ARSF: variants seen among roughly 807,000 people sequenced by gnomAD.
The protein encoded by ARSF is arylsulfatase F.
Under a neutral mutation model 35.4 loss-of-function variants are expected in ARSF, and 33 were observed. The ratio of observed to expected loss-of-function variants is 0.93; its 90% CI spans 0.71 to 1.25. ARSF has a LOEUF of 1.25. Among genes scored for constraint, ARSF ranks in the 50% most tolerant of loss-of-function variants. ARSF has a pLI of 0.00. For synonymous variants in ARSF, 222 were observed against 193.1 expected, an observed-to-expected ratio of 1.15 and a Z score of -1.24; for missense variants, 501 against 480.2, an observed-to-expected ratio of 1.04 and a Z score of -0.40.
chrX:3,109,473 C>T (rs367794103), intron 9 of ARSF, among the ~76,000 whole-genome samples: 4 of 110,699 alleles, frequency 3.6e-5, no homozygotes, highest in East Asian at 2.8e-4. Flanking sequence ...ATTCAGGGTC[C>T]CATGTGCAGG....
Position 3,072,159 on chromosome X carries a change from G to A in ARSF, c.145G>A (p.Gly49Ser), listed in dbSNP as rs375422262. ...GGGTATTGGAGATCTGGGCTGCTACGGCAATGACACCATGAGGTAAGGCGG... is the reference window on the plus strand; with the variant it reads ...GGGTATTGGAGATCTGGGCTGCTACAGCAATGACACCATGAGGTAAGGCGG... Reference protein sequence around the residue: ...DLGIGDLGCYGNDTMRTPHID... With the variant: ...DLGIGDLGCYSNDTMRTPHID... The change falls in exon 3 of 11, where the codon GGC (glycine) becomes AGC (serine). Residue 49 changes from glycine (G) to serine (S), a missense_variant. Gly to Ser is a moderately conservative substitution (Grantham distance 56). Coordinates refer to ENST00000381127, the MANE Select transcript of ARSF (RefSeq NM_001201539.2). The A allele has an allele frequency of 3.1e-5, 38 of 1,208,693 alleles. No individual in the cohort carries two copies. Among genetic ancestry groups the A allele is most frequent in the East Asian group, 1.5e-4 (5 of 33,745 alleles).
intron 1 of ARSF, among the ~76,000 whole-genome samples, chrX:3,064,273 C>T (rs772131168): frequency 8.9e-6 from 1 of 112,023 alleles, no homozygotes; most frequent in East Asian, 2.8e-4. Context: ...GAAACTGGAT[C>T]CCTTCCTTAC....
chrX:3,062,215 C>T (rs1232551147), intron 1 of ARSF, among the ~76,000 whole-genome samples: 1 of 111,874 alleles, frequency 8.9e-6, no homozygotes, highest in Non-Finnish European at 1.9e-5. Flanking sequence ...GGGTAAATAA[C>T]GAAATGAAGG....
intron 7 of ARSF, among the ~76,000 whole-genome samples, chrX:3,092,100 TGATA>T (rs888043286): frequency 6.4e-5 from 7 of 110,018 alleles, no homozygotes; most frequent in Non-Finnish European, 1.1e-4. Flanking sequence ...GATAGGTGAT[TGATA>T]GATAAGATAG....
At chrX:3,080,701 G>C (rs185245686) in intron 4 of ARSF, among the ~76,000 whole-genome samples, 190 bp from the exon 5 acceptor site, 26 of 110,438 alleles carry the variant, frequency 2.4e-4, no homozygotes, top group African/African-American at 8.6e-4. Flanking sequence ...GAGCTCTCTG[G>C]GGTCCCTTTT....
chrX:3,052,264 A>T (rs1245979972), intron 1 of ARSF, among the ~76,000 whole-genome samples: 1 of 111,900 alleles, frequency 8.9e-6, no homozygotes, highest in Non-Finnish European at 1.9e-5. Flanking sequence ...GTATTTAAGC[A>T]TTCATTTTAG....
intron 2 of ARSF, among the ~76,000 whole-genome samples, chrX:3,068,703 G>A (rs1013465190): frequency 6.2e-5 from 7 of 112,152 alleles, no homozygotes; most frequent in Non-Finnish European, 1.3e-4. Flanking sequence ...GGGATTACAG[G>A]TGTGAGCCAC....
At chrX:3,066,631 A>G (rs968391671) in intron 1 of ARSF, among the ~76,000 whole-genome samples, 1 of 111,748 alleles carries the variant, frequency 8.9e-6, no homozygotes, top group African/African-American at 3.3e-5. Flanking sequence ...TTTGTTGTTG[A>G]TGTGCTGTTG....
chrX:3,089,688 C>T (rs967697310), intron 7 of ARSF, 56 bp downstream of exon 7: 1 of 1,167,779 alleles, frequency 8.6e-7, no homozygotes, highest in Non-Finnish European at 1.2e-6. Context: ...GGACAGGACA[C>T]CTGAAAACTG....
intron 3 of ARSF, among the ~76,000 whole-genome samples, chrX:3,073,722 T>C (rs2090126558): frequency 9.8e-6 from 1 of 101,948 alleles, no homozygotes; most frequent in Non-Finnish European, 2.0e-5. Context: ...TATATAAATA[T>C]ATATTAATAA....
intron 7 of ARSF, among the ~76,000 whole-genome samples, chrX:3,092,969 A>G (rs940725748): frequency 1.8e-5 from 2 of 111,883 alleles, no homozygotes; most frequent in East Asian, 2.8e-4. Context: ...TCAGGCAATC[A>G]AAACCATCCT....
chrX:3,070,359 A>C (rs1445089334), intron 2 of ARSF, among the ~76,000 whole-genome samples: 6 of 111,080 alleles, frequency 5.4e-5, no homozygotes, highest in Admixed American at 3.8e-4. Flanking sequence ...AGGATCACAC[A>C]CACCCACATG....
intron 4 of ARSF, among the ~76,000 whole-genome samples, chrX:3,079,476 C>T (rs1823740995): frequency 9.3e-6 from 1 of 107,957 alleles, no homozygotes; most frequent in Non-Finnish European, 1.9e-5. Context: ...TCCTGAGTAG[C>T]TGGGATTACA....
intron 1 of ARSF, among the ~76,000 whole-genome samples, chrX:3,055,342 C>CAAAAAAAAAAAAAAAAAAAA (rs770014108): frequency 9.2e-5 from 3 of 32,440 alleles, no homozygotes; most frequent in Non-Finnish European, 1.7e-4. Flanking sequence ...AACTCCATTT[C>CAAAAAAAAAAAAAAAAAAAA]AAAAAAAAAA....
chrX:3,069,164 T>C (rs2090085689), intron 2 of ARSF, among the ~76,000 whole-genome samples: 1 of 112,007 alleles, frequency 8.9e-6, no homozygotes, highest in Admixed American at 9.5e-5. Context: ...TGAGCAAAAC[T>C]ATGAAGTGGA....
At chrX:3,043,280 C>G (rs907794772) in intron 1 of ARSF, among the ~76,000 whole-genome samples, 2 of 111,768 alleles carry the variant, frequency 1.8e-5, no homozygotes, top group African/African-American at 6.5e-5. Flanking sequence ...AACAGAAAAT[C>G]CAAGCAGGTT....
chrX:3,092,298 T>C (rs1392110849), intron 7 of ARSF, among the ~76,000 whole-genome samples: 2 of 111,848 alleles, frequency 1.8e-5, no homozygotes, highest in Admixed American at 9.5e-5. Flanking sequence ...ATTCTTAATA[T>C]TGCACTCAAT....
At chrX:3,065,813 T>G (rs188325636) in intron 1 of ARSF, among the ~76,000 whole-genome samples, 35 of 111,262 alleles carry the variant, frequency 3.1e-4, no homozygotes, top group African/African-American at 1.1e-3. Flanking sequence ...AGATCTGGTT[T>G]CCAGGCTGGG....
chrX:3,100,717 C>T (rs922502547), intron 7 of ARSF, among the ~76,000 whole-genome samples: 1 of 111,289 alleles, frequency 9.0e-6, no homozygotes, highest in African/African-American at 3.3e-5. Flanking sequence ...CTGCCTCAGC[C>T]ACCTGAGTAG....
Sources: allele counts gnomAD v4.1 joint callset (sites outside exome capture counted in the v4.1 genomes callset), GRCh38; gene constraint gnomAD v4.1.1; transcripts MANE v1.5; gene names NCBI Gene and HGNC (gene_info 2026-07-23, HGNC 2026-07-21).